Variants in GRIK4 observed in about 807,000 individuals in gnomAD.
GRIK4 encodes the protein glutamate ionotropic receptor kainate type subunit 4, also known as glutamate receptor ionotropic, kainate 4.
GRIK4 carries 40 observed loss-of-function variants against 104.9 expected under a neutral mutation model. The observed-to-expected ratio is 0.38, with a 90% CI of 0.30 to 0.50. The LOEUF is 0.50. Among genes scored for constraint, GRIK4 ranks in the 20% least tolerant of loss-of-function variants. The pLI, the probability that GRIK4 is intolerant of heterozygous loss-of-function variation, is 0.93. For missense variants in GRIK4, 1,047 were observed against 1,308.1 expected, an observed-to-expected ratio of 0.80 and a Z score of 3.08; for synonymous variants, 485 against 524.9, an observed-to-expected ratio of 0.92 and a Z score of 1.04.
chr11:120,712,294 C>T (rs193069205), intron 3 of GRIK4, among the ~76,000 whole-genome samples: 6 of 152,020 alleles, frequency 3.9e-5, no homozygotes, highest in East Asian at 1.9e-4. Context: ...GAGGGGGAAA[C>T]GTGACAGAAA....
intron 13 of GRIK4, among the ~76,000 whole-genome samples, chr11:120,911,423 G>C (rs1206396713): frequency 9.7e-4 from 144 of 149,012 alleles, no homozygotes; most frequent in African/African-American, 3.4e-3. Flanking sequence ...ATTTTTAGTA[G>C]AGACGGGGTT....
intron 3 of GRIK4, among the ~76,000 whole-genome samples, chr11:120,765,919 A>G (rs10892623): frequency 0.22 from 34,186 of 152,154 alleles, 5,527 homozygotes; most frequent in African/African-American, 0.46. Context: ...CCCATCAGGA[A>G]GCACAGGGGT....
intron 3 of GRIK4, among the ~76,000 whole-genome samples, chr11:120,724,578 C>A (rs1950995028): frequency 6.6e-6 from 1 of 152,122 alleles, no homozygotes; most frequent in African/African-American, 2.4e-5. Context: ...CAGGACAGTC[C>A]AACACAATGA....
intron 7 of GRIK4, 51 bp downstream of exon 7, chr11:120,832,081 C>A (rs774625497): frequency 2.1e-5 from 28 of 1,356,050 alleles, no homozygotes; most frequent in Non-Finnish European, 2.4e-5. Context: ...ACCCTCCCCC[C>A]TCCTTGCCTT....
chr11:120,871,957 A>G (rs1954622157), intron 9 of GRIK4: 1 of 455,382 alleles, frequency 2.2e-6, no homozygotes, highest in Admixed American at 2.4e-5. Flanking sequence ...AGTTCCCCTC[A>G]TAGGCCTCCT....
intron 1 of GRIK4, among the ~76,000 whole-genome samples, chr11:120,512,968 T>C (rs1947681669): frequency 6.6e-6 from 1 of 152,150 alleles, no homozygotes; most frequent in Non-Finnish European, 1.5e-5. Context: ...GGCTGGACCT[T>C]GGGCTGCGTG....
chr11:120,667,687 G>A (rs532056130), intron 3 of GRIK4, among the ~76,000 whole-genome samples: 4 of 152,352 alleles, frequency 2.6e-5, no homozygotes, highest in African/African-American at 7.2e-5. Context: ...CCATTGAGCT[G>A]AGATATGGTA....
chr11:120,817,941 G>A (rs1189255350), intron 5 of GRIK4, among the ~76,000 whole-genome samples: 1 of 152,212 alleles, frequency 6.6e-6, no homozygotes, highest in African/African-American at 2.4e-5. Flanking sequence ...CCTACACACA[G>A]GTTCACATTT....
chr11:120,711,061 A>C (rs1416171136), intron 3 of GRIK4, among the ~76,000 whole-genome samples: 1 of 150,668 alleles, frequency 6.6e-6, no homozygotes, highest in Non-Finnish European at 1.5e-5. Flanking sequence ...TGGGCCATGC[A>C]GGGTGGGCCA....
intron 1 of GRIK4, among the ~76,000 whole-genome samples, chr11:120,516,859 C>A (rs1947732985): frequency 6.6e-6 from 1 of 152,194 alleles, no homozygotes; most frequent in Non-Finnish European, 1.5e-5. Flanking sequence ...ACAGTGCGTG[C>A]CTGGATGCGC....
intron 8 of GRIK4, among the ~76,000 whole-genome samples, chr11:120,861,706 C>T (rs1403832213): frequency 6.6e-6 from 1 of 152,194 alleles, no homozygotes; most frequent in African/African-American, 2.4e-5. Context: ...TTTTCTTTCT[C>T]TCTCTAGCTA....
intron 1 of GRIK4, among the ~76,000 whole-genome samples, chr11:120,526,314 C>T (rs1311424706): frequency 6.6e-6 from 1 of 152,154 alleles, no homozygotes; most frequent in Non-Finnish European, 1.5e-5. Context: ...GGCACCCGCC[C>T]TCTCACCCCA....
intron 2 of GRIK4, among the ~76,000 whole-genome samples, chr11:120,657,958 G>C (rs1168113986): frequency 6.6e-6 from 1 of 152,232 alleles, no homozygotes; most frequent in Admixed American, 6.5e-5. Context: ...GCACTGGGGA[G>C]TCCCCTCGTG....
intron 3 of GRIK4, among the ~76,000 whole-genome samples, chr11:120,755,062 A>G (rs943580999): frequency 6.6e-6 from 1 of 152,238 alleles, no homozygotes; most frequent in South Asian, 2.1e-4. Context: ...ATGAAACATC[A>G]TTAATTTGGA....
At chr11:120,725,436 T>A (rs138327815) in intron 3 of GRIK4, among the ~76,000 whole-genome samples, 1 of 152,138 alleles carries the variant, frequency 6.6e-6, no homozygotes, top group Non-Finnish European at 1.5e-5. Flanking sequence ...AAGGCTTTAA[T>A]TGGGTGCTGT....
chr11:120,864,736 G>A (rs1251496545), intron 9 of GRIK4, among the ~76,000 whole-genome samples: 4 of 152,210 alleles, frequency 2.6e-5, no homozygotes, highest in African/African-American at 9.7e-5. Context: ...TTGGCCACGA[G>A]CAGACAGATG....
intron 13 of GRIK4, among the ~76,000 whole-genome samples, chr11:120,919,895 C>T (rs1943190335): frequency 6.6e-6 from 1 of 151,964 alleles, no homozygotes; most frequent in Admixed American, 6.6e-5. Context: ...TAATGGCACA[C>T]AGGGAAAGAG....
intron 13 of GRIK4, among the ~76,000 whole-genome samples, chr11:120,934,392 A>T (rs910435858): frequency 1.9e-4 from 29 of 152,014 alleles, no homozygotes; most frequent in African/African-American, 6.0e-4. Context: ...TCCTCATGCC[A>T]TTCTCAGGAA....
rs577847576 is a variant in GRIK4, at chr11:120,758,582, AG to A, written c.83-44109del. On this transcript the variant is annotated intron_variant, in intron 3 of 20. Coordinates refer to ENST00000527524, the MANE Select transcript of GRIK4 (RefSeq NM_014619.5). ...GTGTCTCTGAGAAATCCCGTAGTAA[AG>A]GCCACTGCTTAGAATCATCTAAATG... Among the ~76,000 whole-genome samples the A allele has an allele frequency of 1.6e-4, 25 of 152,322 alleles. 1 individual carries two copies. In the South Asian group the frequency reaches 5.0e-3, roughly 30 times the overall value.
Sources: gnomAD v4.1 joint callset for allele counts (sites outside exome capture counted in the v4.1 genomes callset) on GRCh38, gnomAD v4.1.1 for gene constraint, MANE v1.5 for transcripts, NCBI Gene and HGNC (gene_info 2026-07-23, HGNC 2026-07-21) for gene names.